Variants in MIB1 observed in about 807,000 individuals in gnomAD.
MIB1 encodes the protein MIB E3 ubiquitin protein ligase 1, also known as E3 ubiquitin-protein ligase MIB1.
MIB1 carries 278 observed loss-of-function variants against 124.5 expected under a neutral mutation model. The observed-to-expected ratio is 2.23, with a 90% CI of 2.02 to 2.47. The LOEUF (loss-of-function observed/expected upper bound fraction) is 2.47, where lower values mean the gene tolerates loss of function less well. Among genes scored for constraint, MIB1 ranks in the 30% most tolerant of loss-of-function variants. MIB1 has a pLI of 0.00. For missense variants in MIB1, 957 were observed against 1,254.4 expected, an observed-to-expected ratio of 0.76 and a Z score of 3.58; for synonymous variants, 446 against 429.4, an observed-to-expected ratio of 1.04 and a Z score of -0.48.
In MIB1 at chr18:21,757,039, TA is replaced by T. The variant is rs1479785315; in HGVS notation, c.230-8731del. Among the ~76,000 whole-genome samples the T allele has an allele frequency of 1.2e-4, 18 of 152,260 alleles. No homozygotes were observed. In the East Asian group the frequency reaches 3.5e-3, roughly 29 times the overall value. ...ACAGACATTTTCTTTTTTTCCTACATAATCCTTTAGCAGCTCAAGACATTTT... is the reference window on the plus strand; with the variant it reads ...ACAGACATTTTCTTTTTTTCCTACATATCCTTTAGCAGCTCAAGACATTTT... On this transcript the variant is annotated intron_variant, in intron 1 of 20. Transcript: ENST00000261537.
rs1384135274 is a variant in MIB1, at chr18:21,791,384, AATCCTGCTGTTCTC to A, written c.921_934del (p.Pro308Ter). ...GCTTTGCTCTTGTAGGTGGACCTTC[AATCCTGCTGTTCTC>A]ACTAAAGCGAACATTGTCCGAAGTG... On this transcript the variant is annotated frameshift_variant, in exon 7 of 21. Transcript: ENST00000261537. LOFTEE classifies it high-confidence loss of function. 1 of 1,608,100 alleles carries A rather than the reference AATCCTGCTGTTCTC, an allele frequency of 6.2e-7. No homozygotes were observed. The highest frequency in any genetic ancestry group is 8.5e-7 in the Non-Finnish European group (1 of 1,177,168).
At chr18:21,768,019 C>T (rs1039477741) in intron 2 of MIB1, among the ~76,000 whole-genome samples, 3 of 152,154 alleles carry the variant, frequency 2.0e-5, no homozygotes, top group African/African-American at 7.2e-5. Flanking sequence ...TTAGACTGGA[C>T]CTTTTAGACT....
intron 1 of MIB1, among the ~76,000 whole-genome samples, chr18:21,748,577 G>A (rs112296284): frequency 6.6e-6 from 1 of 151,080 alleles, no homozygotes; most frequent in Non-Finnish European, 1.5e-5. Flanking sequence ...CTACAGGTGC[G>A]CACCACCATG....
At chr18:21,799,061 C>T (rs752675963) in intron 8 of MIB1, among the ~76,000 whole-genome samples, 48 of 151,998 alleles carry the variant, frequency 3.2e-4, no homozygotes, top group Non-Finnish European at 5.9e-4. Flanking sequence ...AGGTTGACTA[C>T]ATACAAAGTA....
intron 2 of MIB1, among the ~76,000 whole-genome samples, chr18:21,766,171 C>T (rs919406766): frequency 5.3e-5 from 8 of 152,146 alleles, no homozygotes; most frequent in African/African-American, 1.9e-4. Context: ...GCTATTCTTT[C>T]TCTGGCTTAG....
At chr18:21,707,843 A>G (rs1411153508) in intron 1 of MIB1, among the ~76,000 whole-genome samples, 2 of 152,194 alleles carry the variant, frequency 1.3e-5, no homozygotes, top group African/African-American at 2.4e-5. Flanking sequence ...TGGGCATTAT[A>G]ACAAAATACC....
chr18:21,725,487 G>A (rs541047025), intron 1 of MIB1, among the ~76,000 whole-genome samples: 24 of 152,260 alleles, frequency 1.6e-4, no homozygotes, highest in African/African-American at 4.8e-4. Context: ...GCCTGCAGTC[G>A]AAATCTGCTT....
chr18:21,773,583 C>A, intron 3 of MIB1, 41 bp from the exon 4 acceptor site: 2 of 1,296,844 alleles, frequency 1.5e-6, no homozygotes, highest in Non-Finnish European at 2.2e-6. Context: ...GCTCTTCCCT[C>A]CCCTTTAAAA....
intron 1 of MIB1, among the ~76,000 whole-genome samples, chr18:21,710,854 T>C (rs1408840710): frequency 7.8e-5 from 11 of 141,926 alleles, no homozygotes; most frequent in African/African-American, 3.0e-4. Flanking sequence ...TTTTTTGAGA[T>C]GGAGTCTCTG....
intron 6 of MIB1, among the ~76,000 whole-genome samples, chr18:21,788,818 A>G (rs1356442653): frequency 2.6e-5 from 4 of 152,236 alleles, no homozygotes; most frequent in Non-Finnish European, 2.9e-5. Context: ...TCTGTACACT[A>G]ACAATGAACA....
At chr18:21,768,781 A>G (rs1286642633) in intron 3 of MIB1, 29 bp downstream of exon 3, 12 of 1,580,890 alleles carry the variant, frequency 7.6e-6, no homozygotes, top group Non-Finnish European at 8.6e-6. Context: ...TTCATTATGT[A>G]TTCTAGAGTA....
Position 21,858,396 on chromosome 18 carries a change from T to C in MIB1, c.2780-150T>C, listed in dbSNP as rs996448638. On this transcript the variant is annotated intron_variant, in intron 19 of 20. Coordinates refer to ENST00000261537, the MANE Select transcript of MIB1 (RefSeq NM_020774.4). ...GAAAAGTGTAACAGAACGTCACTACTGTATGTTGTCCAAGTGTGAGAAAAA... is the reference window on the plus strand; with the variant it reads ...GAAAAGTGTAACAGAACGTCACTACCGTATGTTGTCCAAGTGTGAGAAAAA... 6 of 501,526 alleles carry C rather than the reference T, an allele frequency of 1.2e-5. No homozygotes were observed. The East Asian group carries it at 1.9e-4, about 16-fold the overall frequency. The allele number at this position is 501,526 out of a possible 1,614,324, so 31.1% of individuals were successfully genotyped here.
rs201121647 is a variant in MIB1 at position 21,744,293 on chromosome 18, T to C, written c.229+2481T>C. ...AAGTACTTGATATTTATTTGCATAA[T>C]ATTAACATTTTAAAAATTAACTTTT... On this transcript the variant is annotated intron_variant, in intron 1 of 20. Transcript: ENST00000261537. 2.4e-4 allele frequency among the ~76,000 whole-genome samples: 36 copies of C among 152,256 alleles called. No homozygotes were observed. In the East Asian group the frequency reaches 6.9e-3, roughly 29 times the overall value.
intron 6 of MIB1, among the ~76,000 whole-genome samples, chr18:21,782,791 T>C (rs1349731280): frequency 6.6e-6 from 1 of 152,196 alleles, no homozygotes; most frequent in Non-Finnish European, 1.5e-5. Flanking sequence ...ATATTTGGTT[T>C]GGATTGTAGT....
At chr18:21,831,048 A>G (rs981265598) in intron 12 of MIB1, 1 of 151,414 alleles carries the variant, frequency 6.6e-6, no homozygotes, top group Non-Finnish European at 1.5e-5. Context: ...TTGTCAGATG[A>G]AATGCTTCAG....
intron 20 of MIB1, among the ~76,000 whole-genome samples, chr18:21,862,881 A>G (rs2146525548): frequency 6.6e-6 from 1 of 152,278 alleles, no homozygotes; most frequent in East Asian, 1.9e-4. Flanking sequence ...CCTTCTTTTT[A>G]TGCAAGAGCA....
intron 1 of MIB1, among the ~76,000 whole-genome samples, chr18:21,731,412 A>C (rs1198811213): frequency 6.6e-6 from 1 of 152,194 alleles, no homozygotes; most frequent in Non-Finnish European, 1.5e-5. Context: ...TGAAGGACAG[A>C]TGATATTTTT....
At chr18:21,722,893 C>G (rs1361702735) in intron 1 of MIB1, among the ~76,000 whole-genome samples, 2 of 152,130 alleles carry the variant, frequency 1.3e-5, no homozygotes, top group Non-Finnish European at 2.9e-5. Context: ...CCTCTCTTGG[C>G]TAAAGCAGTT....
chr18:21,808,295 G>A (rs368809491), intron 10 of MIB1, among the ~76,000 whole-genome samples: 9 of 152,202 alleles, frequency 5.9e-5, no homozygotes, highest in Non-Finnish European at 7.4e-5. Context: ...ACTACAGCTC[G>A]CAGGCCAAAT....
Sources: allele counts gnomAD v4.1 joint callset (sites outside exome capture counted in the v4.1 genomes callset), GRCh38; gene constraint gnomAD v4.1.1; transcripts MANE v1.5; gene names NCBI Gene and HGNC (gene_info 2026-07-23, HGNC 2026-07-21).